KCTD3: variants seen among roughly 807,000 people sequenced by gnomAD.
KCTD3 encodes potassium channel tetramerization domain containing 3, also known as BTB/POZ domain-containing protein KCTD3.
In KCTD3, 41 loss-of-function variants were observed where a neutral mutation model predicts 85.8. The observed-to-expected ratio is 0.48, with a 90% CI of 0.37 to 0.62. KCTD3 has a LOEUF of 0.62. KCTD3 is among the 20% of genes least tolerant of loss of function. KCTD3 has a pLI of 0.00. For synonymous variants in KCTD3, 338 were observed against 345.4 expected (o/e 0.98, Z 0.24); for missense variants, 724 against 989.9 (o/e 0.73, Z 3.60).
In KCTD3 at chr1:215,579,022, C is replaced by A; in HGVS notation, c.420C>A (p.Asn140Lys). ...TAGGTATTCCTAGTCGTAAAATAAA[C>A]AACACAGTCAGATCTGCTGATTCTA... Reference protein sequence around the residue: ...PPPGIPSRKINNTVRSADSRN... With the variant: ...PPPGIPSRKIKNTVRSADSRN... The change falls in exon 7 of 18, where the codon AAC (asparagine) becomes AAA (lysine). Residue 140 changes from asparagine (N) to lysine (K), a missense_variant. Asn to Lys is a moderately conservative substitution (Grantham distance 94). Around this residue, in one of 6 missense-constraint regions of KCTD3, gnomAD observed 106 missense variants for 98.2 expected, o/e 1.08. Transcript: ENST00000259154. 6.4e-7 allele frequency: 1 copy of A among 1,561,180 alleles called. No individual in the cohort carries two copies. The highest frequency in any genetic ancestry group is 8.6e-7 in the Non-Finnish European group (1 of 1,159,950).
chr1:215,613,811 A>G (rs1655322996), intron 15 of KCTD3, among the ~76,000 whole-genome samples: 1 of 151,952 alleles, frequency 6.6e-6, no homozygotes, highest in Non-Finnish European at 1.5e-5. Flanking sequence ...GGTTTTAAGT[A>G]TATGGCTTTG....
chr1:215,615,482 T>C (rs1337085908), intron 15 of KCTD3, among the ~76,000 whole-genome samples: 3 of 151,842 alleles, frequency 2.0e-5, no homozygotes, highest in Non-Finnish European at 4.4e-5. Context: ...TAGCCAGGCG[T>C]GGTGGCGGGT....
At chr1:215,580,986 G>A in intron 8 of KCTD3, 1 of 465,418 alleles carries the variant, frequency 2.1e-6, no homozygotes, top group South Asian at 1.6e-5. Context: ...TTTTGGCTGG[G>A]CACGGTGGGT....
intron 7 of KCTD3, among the ~76,000 whole-genome samples, chr1:215,579,460 A>G (rs550864182): frequency 1.2e-4 from 19 of 152,220 alleles, no homozygotes; most frequent in African/African-American, 4.6e-4. Context: ...ATAATGGACA[A>G]TATGTAACAA....
At chr1:215,614,254 A>G (rs1437461891) in intron 15 of KCTD3, among the ~76,000 whole-genome samples, 1 of 151,818 alleles carries the variant, frequency 6.6e-6, no homozygotes, top group Non-Finnish European at 1.5e-5. Flanking sequence ...GATGGTCTCG[A>G]TCTCCTGACC....
At chr1:215,608,401 T>G (rs2102597845) in intron 14 of KCTD3, among the ~76,000 whole-genome samples, 1 of 152,064 alleles carries the variant, frequency 6.6e-6, no homozygotes, top group South Asian at 2.1e-4. Flanking sequence ...TTCCTCTTAT[T>G]AATGTTTCAT....
chr1:215,611,973 C>A, intron 15 of KCTD3, 52 bp downstream of exon 15: 1 of 1,187,732 alleles, frequency 8.4e-7, no homozygotes, highest in Non-Finnish European at 1.3e-6. Context: ...TTTTGTCTTA[C>A]AAAACATATG....
At chr1:215,585,283 G>A (rs113922771) in intron 8 of KCTD3, among the ~76,000 whole-genome samples, 51 of 152,204 alleles carry the variant, frequency 3.4e-4, no homozygotes, top group African/African-American at 1.2e-3. Context: ...GAAGAGGGTG[G>A]TTACAAATTA....
Position 215,575,343 on chromosome 1 carries a change from T to TA in KCTD3, c.184-546dup, listed in dbSNP as rs374358282. Among the ~76,000 whole-genome samples the TA allele has an allele frequency of 3.3e-3, 486 of 147,456 alleles. 2 individuals are homozygous for TA. Among genetic ancestry groups the TA allele is most frequent in the African/African-American group, 0.01 (424 of 40,428 alleles). ...TTATGTATTCTGTGGTGCTTTAGTT[T>TA]AAAAAAAAAAAATTGTCATTACCTT... On this transcript the variant is annotated intron_variant, in intron 3 of 17. Coordinates refer to ENST00000259154, the MANE Select transcript of KCTD3 (RefSeq NM_016121.5).
Position 215,578,560 on chromosome 1 carries a change from A to G in KCTD3, c.398-440A>G, listed in dbSNP as rs1012670992. Among the ~76,000 whole-genome samples the G allele has an allele frequency of 3.9e-4, 59 of 152,328 alleles. 1 individual carries two copies. The highest frequency in any genetic ancestry group is 1.3e-3 in the African/African-American group (53 of 41,594). ...AGAAGAGCCTGATTTTACCTGTGTT[A>G]TAATGGACTTCTGAGCAAGATTTCA... On this transcript the variant is annotated intron_variant, in intron 6 of 17. Transcript: ENST00000259154.
intron 9 of KCTD3, among the ~76,000 whole-genome samples, chr1:215,588,218 G>T (rs1027883035): frequency 1.3e-5 from 2 of 152,022 alleles, no homozygotes; most frequent in African/African-American, 4.8e-5. Flanking sequence ...AGCAGCTCCT[G>T]TAGCTCTTTG....
In KCTD3 at chr1:215,615,825, T is replaced by A. The variant is rs148471152; in HGVS notation, c.1563-3061T>A. Among the ~76,000 whole-genome samples the A allele has an allele frequency of 6.8e-3, 1,037 of 152,218 alleles. 12 individuals carry two copies. The highest frequency in any genetic ancestry group is 0.023 in the African/African-American group (964 of 41,532). On this transcript the variant is annotated intron_variant, in intron 15 of 17. Transcript: ENST00000259154. ...CCAAAGACACAAGGAAAAGTGTCCA[T>A]TTTTATGCTTAGGTTAGAAGAAGCA...
chr1:215,597,136 C>T (rs1654608890), intron 10 of KCTD3, among the ~76,000 whole-genome samples: 1 of 150,902 alleles, frequency 6.6e-6, no homozygotes, highest in Admixed American at 6.6e-5. Context: ...TGTATGTAAT[C>T]TTAAAAGTTT....
chr1:215,577,578 A>G (rs1452824005), intron 4 of KCTD3, 92 bp from the exon 5 acceptor site: 6 of 785,466 alleles, frequency 7.6e-6, no homozygotes, highest in African/African-American at 3.4e-5. Flanking sequence ...TTATGACTAT[A>G]TACATGAAGA....
In KCTD3 at chr1:215,579,934, G is replaced by A; in HGVS notation, c.561G>A (p.Val187=). Residue 187 remains valine (V), a synonymous_variant, in exon 8 of 18, where the codon GTG becomes GTA. Coordinates refer to ENST00000259154, the MANE Select transcript of KCTD3 (RefSeq NM_016121.5). ...RLGFPVDPRK[V]LIVAGHHNWI... is the part of the protein sequence containing the mutation. ...GATTTCCTGTGGATCCACGAAAGGT[G>A]CTAATAGTAGCTGGCCATCACAACT... The A allele has an allele frequency of 7.4e-6, 12 of 1,613,432 alleles. No homozygotes were observed. The highest frequency in any genetic ancestry group is 9.3e-6 in the Non-Finnish European group (11 of 1,179,328).
intron 10 of KCTD3, among the ~76,000 whole-genome samples, chr1:215,599,870 AGGCTCCTGCTGCTCTTT>A (rs1654762990): frequency 6.7e-6 from 1 of 148,770 alleles, no homozygotes; most frequent in Admixed American, 6.8e-5. Context: ...GGGAAGCGCT[AGGCTCCTGCTGCTCTTT>A]CATTGAAAAA....
At chr1:215,594,728 T>C (rs935651456) in intron 9 of KCTD3, among the ~76,000 whole-genome samples, 1 of 152,208 alleles carries the variant, frequency 6.6e-6, no homozygotes, top group Non-Finnish European at 1.5e-5. Flanking sequence ...AAGCCTGATA[T>C]AGTGTCTTTT....
intron 13 of KCTD3, among the ~76,000 whole-genome samples, chr1:215,607,043 A>G (rs535607402): frequency 2.6e-5 from 4 of 152,000 alleles, no homozygotes; most frequent in Admixed American, 6.6e-5. Context: ...ATTTTGTTAT[A>G]TAAGAATAGA....
chr1:215,617,785 TA>T (rs1655513260), intron 15 of KCTD3, among the ~76,000 whole-genome samples: 1 of 147,442 alleles, frequency 6.8e-6, no homozygotes, highest in Admixed American at 6.8e-5. Flanking sequence ...ACTATATATA[TA>T]TATAATGTAT....
Sources: allele counts gnomAD v4.1 joint callset (sites outside exome capture counted in the v4.1 genomes callset), GRCh38; gene constraint gnomAD v4.1.1; regional missense constraint gnomAD v4.1.1; transcripts MANE v1.5; gene names NCBI Gene and HGNC (gene_info 2026-07-23, HGNC 2026-07-21).